The following PNLIP variants were observed in gnomAD, a reference collection of about 807,000 sequenced individuals.
PNLIP encodes pancreatic triacylglycerol lipase.
A neutral mutation model predicts 57.1 loss-of-function variants in PNLIP; 49 were observed. The ratio of observed to expected loss-of-function variants is 0.86; its 90% CI spans 0.68 to 1.09. The LOEUF (loss-of-function observed/expected upper bound fraction) is 1.09. Ranked by LOEUF, PNLIP falls within the 50% of genes least tolerant of loss-of-function variation. PNLIP has a pLI of 0.00. For synonymous variants in PNLIP, 209 were observed against 200.4 expected, an observed-to-expected ratio of 1.04 and a Z score of -0.36; for missense variants, 503 against 570.2, an observed-to-expected ratio of 0.88 and a Z score of 1.20.
intron 5 of PNLIP, among the ~76,000 whole-genome samples, chr10:116,551,988 T>C (rs148551204): frequency 2.4e-4 from 36 of 152,216 alleles, no homozygotes; most frequent in African/African-American, 8.7e-4. Context: ...GGAGGTCCCA[T>C]AAGATGACAA....
Position 116,560,550 on chromosome 10 carries a change from CTTTTTTTTTT to C in PNLIP, c.1169+37_1169+46del. ...GTGAGTAAAATAATATTGCTCTATGCTTTTTTTTTTTTTTTTTTTTGAGTCGGAGTCTCGC... is the reference window on the plus strand; with the variant it reads ...GTGAGTAAAATAATATTGCTCTATGCTTTTTTTTTTGAGTCGGAGTCTCGC... On this transcript the variant is annotated intron_variant, in intron 11 of 12. Coordinates refer to ENST00000369221, the MANE Select transcript of PNLIP (RefSeq NM_000936.4). 6.0e-6 allele frequency: 3 copies of C among 504,194 alleles called. No homozygotes were observed. The Admixed American group carries it at 1.3e-4, about 22-fold the overall frequency. 31.2% of individuals were successfully genotyped at this position (504,194 alleles called of 1,614,324 possible).
At chr10:116,558,244 C>T (rs1157365378) in intron 9 of PNLIP, among the ~76,000 whole-genome samples, 3 of 145,714 alleles carry the variant, frequency 2.1e-5, no homozygotes, top group Non-Finnish European at 4.5e-5. Context: ...GTCACCCAGG[C>T]TGGAGTGCAG....
intron 5 of PNLIP, 47 bp from the exon 6 acceptor site, chr10:116,553,680 T>C (rs1445563032): frequency 8.8e-7 from 1 of 1,131,898 alleles, no homozygotes; most frequent in African/African-American, 1.5e-5. Context: ...GTTGAGCAAC[T>C]CATGACTGCA....
chr10:116,546,042 C>T lies in PNLIP; in HGVS notation c.1-51C>T, dbSNP rs373832919. The T allele has an allele frequency of 5.0e-5, 77 of 1,548,334 alleles. No individual in the cohort carries two copies. The South Asian group carries it at 5.1e-4, about 10-fold the overall frequency. On this transcript the variant is annotated intron_variant, in intron 1 of 12. Transcript: ENST00000369221. ...GAGGTCTAAATGAACTAAAACTTGC[C>T]GATCTTTTAAAAACTTAGCCAGACT...
rs1351268812 is a variant in PNLIP, at chr10:116,547,237, G to A, written c.47-57G>A. On this transcript the variant is annotated intron_variant, in intron 2 of 12. Coordinates refer to ENST00000369221, the MANE Select transcript of PNLIP (RefSeq NM_000936.4). ...GTGTAATTGAACTCATATATTGGCA[G>A]ACAGATCATTAAAAAGAGCATGTTT... is the stretch of plus-strand genomic sequence containing the variant. 1.9e-6 allele frequency: 3 copies of A among 1,539,692 alleles called. No homozygotes were observed. The East Asian group carries it at 6.7e-5, about 35-fold the overall frequency.
chr10:116,555,334 G>C lies in PNLIP; in HGVS notation c.691+37G>C, dbSNP rs1475543613. On this transcript the variant is annotated intron_variant, in intron 7 of 12. Coordinates refer to ENST00000369221, the MANE Select transcript of PNLIP (RefSeq NM_000936.4). ...AACCCGTCCCCCAAAGGGTGTTATA[G>C]TGTCTGAGTCTATATACATTAGCAT... The C allele has an allele frequency of 4.3e-6, 7 of 1,614,024 alleles. No homozygotes were observed. In the Admixed American group the frequency reaches 1.2e-4, roughly 27 times the overall value.
chr10:116,559,116 T>C lies in PNLIP; in HGVS notation c.931-38T>C, dbSNP rs759757274. The C allele has an allele frequency of 3.3e-5, 52 of 1,595,904 alleles. 2 individuals carry two copies. The East Asian group carries it at 8.7e-4, about 27-fold the overall frequency. On this transcript the variant is annotated intron_variant, in intron 9 of 12. Coordinates refer to ENST00000369221, the MANE Select transcript of PNLIP (RefSeq NM_000936.4). Reference sequence around the variant, plus strand: ...GGAAATATGGTACACAACTAAAAGATAGGGCATCCTCATTCATCATTTGTT... The same window carrying C: ...GGAAATATGGTACACAACTAAAAGACAGGGCATCCTCATTCATCATTTGTT...
intron 4 of PNLIP, 80 bp downstream of exon 4, chr10:116,548,562 T>G: frequency 6.9e-7 from 1 of 1,456,558 alleles, no homozygotes; most frequent in Non-Finnish European, 9.4e-7. Flanking sequence ...CCCCGACCAA[T>G]GAGGACAGTG....
Position 116,560,433 on chromosome 10 carries a change from T to A in PNLIP, c.1078T>A (p.Ser360Thr). The A allele has an allele frequency of 6.3e-7, 1 of 1,599,502 alleles. No individual in the cohort carries two copies. Among genetic ancestry groups the A allele is most frequent in the African/African-American group, 1.3e-5 (1 of 74,338 alleles). The change falls in exon 11 of 13, where the codon TCT (serine) becomes ACT (threonine). Residue 360 changes from serine (S) to threonine (T), a missense_variant. Coordinates refer to ENST00000369221, the MANE Select transcript of PNLIP (RefSeq NM_000936.4). ...SNFARWRYKV[S>T]VTLSGKKVTG... Reference sequence around the variant, plus strand: ...CCTTGCAGGTTGGAGGTATAAGGTATCTGTCACACTGTCTGGAAAAAAGGT... The same window carrying A: ...CCTTGCAGGTTGGAGGTATAAGGTAACTGTCACACTGTCTGGAAAAAAGGT...
chr10:116,567,679 C>A, intron 12 of PNLIP, 56 bp from the exon 13 acceptor site: 1 of 1,433,168 alleles, frequency 7.0e-7, no homozygotes, highest in Non-Finnish European at 9.8e-7. Context: ...CTCACTGTCA[C>A]ACTCCAGATA....
Position 116,547,313 on chromosome 10 carries a change from A to C in PNLIP, c.66A>C (p.Glu22Asp). The change falls in exon 3 of 13, where the codon GAA becomes GAC. Residue 22 changes from glutamate to aspartate, a missense_variant. Glu to Asp is a conservative substitution (Grantham distance 45, BLOSUM62 2). Coordinates refer to ENST00000369221, the MANE Select transcript of PNLIP (RefSeq NM_000936.4). ...TTGCAGGAAAAGAAGTTTGCTACGA[A>C]AGACTCGGCTGCTTCAGTGATGACT... ...GAVAGKEVCY[E>D]RLGCFSDDSP... is the part of the protein sequence containing the mutation. 1.2e-6 allele frequency: 2 copies of C among 1,614,108 alleles called. No homozygotes were observed. The highest frequency in any genetic ancestry group is 1.7e-6 in the Non-Finnish European group (2 of 1,179,996).
At chr10:116,563,546 C>T (rs944190947) in intron 12 of PNLIP, among the ~76,000 whole-genome samples, 1 of 152,138 alleles carries the variant, frequency 6.6e-6, no homozygotes, top group Non-Finnish European at 1.5e-5. Context: ...TCGCCCCTCC[C>T]ACTCTTCTCC....
At chr10:116,558,881 T>G (rs547831823) in intron 9 of PNLIP, among the ~76,000 whole-genome samples, 1 of 152,286 alleles carries the variant, frequency 6.6e-6, no homozygotes, top group Admixed American at 6.5e-5. Flanking sequence ...TGCCTCAGCC[T>G]CCCAAAGTGC....
In PNLIP at chr10:116,548,527, T is replaced by C. The variant is rs185809197; in HGVS notation, c.324+45T>C. The C allele has an allele frequency of 5.0e-6, 8 of 1,601,122 alleles. No homozygotes were observed. The East Asian group carries it at 1.8e-4, about 36-fold the overall frequency. ...CAAGGAAAGATCGTTTCCAAAGTGGTAATTAACAAACGGTAAGGCACTGGC... is the reference window on the plus strand; with the variant it reads ...CAAGGAAAGATCGTTTCCAAAGTGGCAATTAACAAACGGTAAGGCACTGGC... On this transcript the variant is annotated intron_variant, in intron 4 of 12. Coordinates refer to ENST00000369221, the MANE Select transcript of PNLIP (RefSeq NM_000936.4).
In PNLIP at chr10:116,560,285, A is replaced by T. The variant is rs2133206632; in HGVS notation, c.1061-131A>T. 3 of 528,092 alleles carry T rather than the reference A, an allele frequency of 5.7e-6. No individual in the cohort carries two copies. The East Asian group carries it at 9.1e-5, about 16-fold the overall frequency. 32.7% of individuals were successfully genotyped at this position (528,092 alleles called of 1,614,324 possible). A position where few individuals can be genotyped will look rare whatever the true frequency, so the allele number is the denominator to read the frequency against. On this transcript the variant is annotated intron_variant, in intron 10 of 12. Coordinates refer to ENST00000369221, the MANE Select transcript of PNLIP (RefSeq NM_000936.4). ...TATTTCATTAGAAAATTACACACAC[A>T]CACACACACACACACACACACACAA...
At chr10:116,550,352 T>C (rs1330751155) in intron 4 of PNLIP, among the ~76,000 whole-genome samples, 2 of 151,446 alleles carry the variant, frequency 1.3e-5, no homozygotes, top group African/African-American at 4.9e-5. Context: ...CCACCGCACC[T>C]GGCCTATTCT....
chr10:116,551,021 C>T (rs919885058), intron 4 of PNLIP, 77 bp from the exon 5 acceptor site: 6 of 1,229,282 alleles, frequency 4.9e-6, no homozygotes, highest in Non-Finnish European at 6.6e-6. Context: ...GGAATTTATC[C>T]TAGTCCTCCA....
intron 8 of PNLIP, 116 bp downstream of exon 8, chr10:116,555,623 CTT>C (rs1406987119): frequency 1.7e-6 from 2 of 1,161,010 alleles, no homozygotes; most frequent in Non-Finnish European, 2.4e-6. Context: ...TAACAAAAGA[CTT>C]TTAATTGTAT....
At chr10:116,552,786 T>C (rs966263385) in intron 5 of PNLIP, among the ~76,000 whole-genome samples, 8 of 151,944 alleles carry the variant, frequency 5.3e-5, no homozygotes, top group African/African-American at 1.7e-4. Flanking sequence ...CTCGGGAGGC[T>C]GAGGCAGGAG....
Sources: allele counts gnomAD v4.1 joint callset (sites outside exome capture counted in the v4.1 genomes callset), GRCh38; gene constraint gnomAD v4.1.1; transcripts MANE v1.5; gene names NCBI Gene and HGNC (gene_info 2026-07-23, HGNC 2026-07-21).